Variants in ASIC2 observed in about 807,000 individuals in gnomAD.
ASIC2 encodes the protein acid sensing ion channel subunit 2.
Under a neutral mutation model 57.3 loss-of-function variants are expected in ASIC2, and 25 were observed. The ratio of observed to expected loss-of-function variants is 0.44; its 90% CI spans 0.32 to 0.61. ASIC2 has a LOEUF of 0.61. Ranked by LOEUF, ASIC2 falls within the 20% of genes least tolerant of loss-of-function variation. ASIC2 has a pLI of 0.06. For missense variants in ASIC2, 641 were observed against 738.1 expected (o/e 0.87, Z 1.52); for synonymous variants, 319 against 307.5 (o/e 1.04, Z -0.39).
At chr17:33,738,122 T>A (rs1909981315) in intron 1 of ASIC2, among the ~76,000 whole-genome samples, 1 of 152,176 alleles carries the variant, frequency 6.6e-6, no homozygotes, top group Admixed American at 6.5e-5. Context: ...GCTTGCATTT[T>A]GTGACACACC....
chr17:33,865,708 C>A (rs1914214179), intron 1 of ASIC2, among the ~76,000 whole-genome samples: 2 of 147,936 alleles, frequency 1.4e-5, no homozygotes, highest in Admixed American at 6.8e-5. Flanking sequence ...TGTAACTAAC[C>A]TGCACAATGT....
chr17:33,243,314 G>T (rs1413600047), intron 1 of ASIC2, among the ~76,000 whole-genome samples: 1 of 152,156 alleles, frequency 6.6e-6, no homozygotes, highest in Non-Finnish European at 1.5e-5. Flanking sequence ...ATAGATTGAA[G>T]TAAACAAAAT....
intron 2 of ASIC2, among the ~76,000 whole-genome samples, chr17:33,099,296 C>T (rs1308394580): frequency 6.6e-6 from 1 of 152,114 alleles, no homozygotes; most frequent in East Asian, 1.9e-4. Flanking sequence ...GGATTATAGT[C>T]ATGAGCCACC....
intron 1 of ASIC2, among the ~76,000 whole-genome samples, chr17:33,961,836 A>T (rs1023291485): frequency 6.6e-6 from 1 of 152,174 alleles, no homozygotes; most frequent in African/African-American, 2.4e-5. Context: ...ATTGCTCTCC[A>T]CAGTTGCTTT....
chr17:33,920,652 A>G (rs1915689783), intron 1 of ASIC2, among the ~76,000 whole-genome samples: 1 of 152,234 alleles, frequency 6.6e-6, no homozygotes, highest in South Asian at 2.1e-4. Context: ...CCCAGACTTC[A>G]GCGTCATGCA....
At chr17:34,095,123 C>G (rs1409753444) in intron 1 of ASIC2, among the ~76,000 whole-genome samples, 1 of 152,200 alleles carries the variant, frequency 6.6e-6, no homozygotes, top group Admixed American at 6.5e-5. Context: ...TTGAGTTCTT[C>G]TAGTCCTATT....
chr17:33,493,615 C>T (rs924697087), intron 1 of ASIC2, among the ~76,000 whole-genome samples: 1 of 152,092 alleles, frequency 6.6e-6, no homozygotes, highest in Non-Finnish European at 1.5e-5. Flanking sequence ...TTTTACACTC[C>T]TTTCCTCCCG....
chr17:33,811,601 T>C (rs982270249), intron 1 of ASIC2, among the ~76,000 whole-genome samples: 1 of 152,236 alleles, frequency 6.6e-6, no homozygotes, highest in Non-Finnish European at 1.5e-5. Context: ...CACACATTCC[T>C]GCTGAGCCTG....
chr17:33,944,606 G>A (rs569962339), intron 1 of ASIC2, among the ~76,000 whole-genome samples: 6 of 152,342 alleles, frequency 3.9e-5, no homozygotes, highest in African/African-American at 7.2e-5. Context: ...TTTCAGGAGC[G>A]TGTGATGTGG....
intron 1 of ASIC2, among the ~76,000 whole-genome samples, chr17:33,744,155 A>T (rs1910192679): frequency 6.6e-6 from 1 of 152,234 alleles, no homozygotes; most frequent in African/African-American, 2.4e-5. Context: ...TATTAAGAGC[A>T]ATGAGTCCAG....
At chr17:33,168,161 G>A (rs1277809677) in intron 1 of ASIC2, among the ~76,000 whole-genome samples, 1 of 152,202 alleles carries the variant, frequency 6.6e-6, no homozygotes, top group African/African-American at 2.4e-5. Flanking sequence ...AGATGCTGGT[G>A]CCATGATCTT....
Position 33,657,162 on chromosome 17 carries a change from C to T in ASIC2, c.555+498816G>A, listed in dbSNP as rs76769761. Among the ~76,000 whole-genome samples the T allele has an allele frequency of 1.3e-3, 198 of 152,280 alleles. 1 individual carries two copies. Among genetic ancestry groups the T allele is most frequent in the African/African-American group, 4.0e-3 (166 of 41,550 alleles). ...GGCAGGCCCCAGCCCATTCTCCTTA[C>T]GAACGACACTTGCTGGGAATCCCTA... On this transcript the variant is annotated intron_variant, in intron 1 of 9. Coordinates refer to the ASIC2 transcript ENST00000359872.
At chr17:33,333,612 C>T (rs540175470) in intron 1 of ASIC2, among the ~76,000 whole-genome samples, 1 of 152,200 alleles carries the variant, frequency 6.6e-6, no homozygotes, top group African/African-American at 2.4e-5. Context: ...TTTTTTTCTA[C>T]TTCTCTGTGT....
At chr17:33,095,927 C>T (rs2092177128) in intron 2 of ASIC2, among the ~76,000 whole-genome samples, 1 of 152,210 alleles carries the variant, frequency 6.6e-6, no homozygotes, top group Admixed American at 6.5e-5. Context: ...CCCTGTGTCA[C>T]CCAGGCATGG....
intron 1 of ASIC2, among the ~76,000 whole-genome samples, chr17:33,371,440 G>A (rs1340075193): frequency 2.0e-5 from 3 of 152,222 alleles, no homozygotes; most frequent in African/African-American, 7.2e-5. Context: ...CATGGCCCAG[G>A]AAGCCACTGA....
At chr17:33,052,152 C>T (rs944271970) in intron 3 of ASIC2, 1 of 152,212 alleles carries the variant, frequency 6.6e-6, no homozygotes, top group Non-Finnish European at 1.5e-5. Flanking sequence ...CACCCTTGTT[C>T]TCAGAAACCC....
intron 3 of ASIC2, among the ~76,000 whole-genome samples, chr17:33,083,893 A>C (rs67677746): frequency 1.3e-5 from 2 of 151,828 alleles, no homozygotes; most frequent in African/African-American, 4.8e-5. Context: ...GTGACCACTG[A>C]GGATGTGGGT....
intron 1 of ASIC2, among the ~76,000 whole-genome samples, chr17:33,799,143 G>C (rs1912004937): frequency 6.6e-6 from 1 of 152,186 alleles, no homozygotes; most frequent in Admixed American, 6.5e-5. Flanking sequence ...AAGTGGACTT[G>C]TTACCTTTAC....
At chr17:33,576,326 C>T (rs371818638) in intron 1 of ASIC2, among the ~76,000 whole-genome samples, 5 of 152,178 alleles carry the variant, frequency 3.3e-5, no homozygotes, top group African/African-American at 1.2e-4. Context: ...AGCTCTATGA[C>T]CTCATGCAAG....
Sources: allele counts gnomAD v4.1 joint callset (sites outside exome capture counted in the v4.1 genomes callset), GRCh38; gene constraint gnomAD v4.1.1; transcripts MANE v1.5; gene names NCBI Gene and HGNC (gene_info 2026-07-23, HGNC 2026-07-21).